Variants in KCNMA1 observed in about 807,000 individuals in gnomAD.
KCNMA1 encodes Calcium-activated potassium channel subunit alpha-1.
In KCNMA1, 29 loss-of-function variants were observed where a neutral mutation model predicts 140.0. The ratio of observed to expected loss-of-function variants is 0.21; its 90% CI spans 0.15 to 0.28. The LOEUF (loss-of-function observed/expected upper bound fraction) is 0.28. Ranked by LOEUF, KCNMA1 falls within the 10% of genes least tolerant of loss-of-function variation. The pLI, the probability that KCNMA1 is intolerant of heterozygous loss-of-function variation, is 1.00. For synonymous variants in KCNMA1, 612 were observed against 611.9 expected, an observed-to-expected ratio of 1.00 and a Z score of 0.00; for missense variants, 880 against 1,602.2, an observed-to-expected ratio of 0.55 and a Z score of 7.70.
chr10:77,472,058 A>G (rs2098170986), intron 1 of KCNMA1, among the ~76,000 whole-genome samples: 1 of 150,302 alleles, frequency 6.7e-6, no homozygotes, highest in South Asian at 2.1e-4. Flanking sequence ...CATGTACCAC[A>G]TACACACATG....
At chr10:77,066,721 C>T (rs570805094) in intron 14 of KCNMA1, among the ~76,000 whole-genome samples, 4 of 152,334 alleles carry the variant, frequency 2.6e-5, no homozygotes, top group Non-Finnish European at 4.4e-5. Flanking sequence ...AGTCTGCTGT[C>T]ATAATGCCAT....
At position 77,034,714 on chromosome 10, in the gene KCNMA1, C is replaced by T. The variant is rs148881612; in HGVS notation, c.1859+4814G>A. Among the ~76,000 whole-genome samples the T allele has an allele frequency of 1.9e-3, 296 of 152,290 alleles. 1 individual carries two copies. Among genetic ancestry groups the T allele is most frequent in the Non-Finnish European group, 3.0e-3 (203 of 68,032 alleles). On this transcript the variant is annotated intron_variant, in intron 15 of 27. Transcript: ENST00000286628. ...AGCTGAGGAAGATCTGATTGGAGTT[C>T]CCCAAGTTCCCCAGGCATTAAATAC...
At chr10:77,003,314 A>G (rs2153419890) in intron 18 of KCNMA1, among the ~76,000 whole-genome samples, 1 of 152,320 alleles carries the variant, frequency 6.6e-6, no homozygotes, top group African/African-American at 2.4e-5. Flanking sequence ...TTACCAAAAA[A>G]AAATAAAAAA....
chr10:77,423,820 G>A (rs1022182895), intron 1 of KCNMA1, among the ~76,000 whole-genome samples: 1 of 152,050 alleles, frequency 6.6e-6, no homozygotes, highest in Non-Finnish European at 1.5e-5. Flanking sequence ...ATGAGAGAGG[G>A]GTCTGATTCT....
At chr10:77,003,574 C>T (rs547958321) in intron 18 of KCNMA1, among the ~76,000 whole-genome samples, 2 of 152,248 alleles carry the variant, frequency 1.3e-5, no homozygotes, top group Non-Finnish European at 2.9e-5. Context: ...AAGAGGGAAA[C>T]AAGGATGATT....
intron 1 of KCNMA1, among the ~76,000 whole-genome samples, chr10:77,410,397 C>T (rs535572631): frequency 2.0e-4 from 30 of 152,144 alleles, no homozygotes; most frequent in Non-Finnish European, 4.1e-4. Flanking sequence ...TGGCTGGGCC[C>T]GCCTTGAGGG....
chr10:77,403,733 G>A, intron 2 of KCNMA1, 129 bp downstream of exon 2: 1 of 859,092 alleles, frequency 1.2e-6, no homozygotes, highest in Non-Finnish European at 1.8e-6. Context: ...GGGAGCACTT[G>A]CTGCTCACCC....
chr10:77,404,336 T>C (rs928654054), intron 1 of KCNMA1, among the ~76,000 whole-genome samples: 9 of 152,146 alleles, frequency 5.9e-5, no homozygotes, highest in African/African-American at 2.2e-4. Context: ...TGGAGTGCAG[T>C]GGCGCAATCT....
intron 14 of KCNMA1, among the ~76,000 whole-genome samples, chr10:77,056,035 T>C (rs952710847): frequency 6.6e-6 from 1 of 152,110 alleles, no homozygotes; most frequent in South Asian, 2.1e-4. Context: ...AAAACTCAAC[T>C]AACATTGAAG....
At chr10:77,042,153 G>T (rs757896722) in intron 14 of KCNMA1, among the ~76,000 whole-genome samples, 2 of 151,956 alleles carry the variant, frequency 1.3e-5, no homozygotes, top group Admixed American at 6.6e-5. Flanking sequence ...CTACAAATTG[G>T]CCTTCCCCAG....
At chr10:77,052,917 C>T (rs972525406) in intron 14 of KCNMA1, among the ~76,000 whole-genome samples, 3 of 152,184 alleles carry the variant, frequency 2.0e-5, no homozygotes, top group African/African-American at 7.2e-5. Context: ...AGCCGAAAAA[C>T]CGTATCAAAG....
chr10:77,426,207 AAAG>A (rs1366475789), intron 1 of KCNMA1, among the ~76,000 whole-genome samples: 3 of 152,184 alleles, frequency 2.0e-5, no homozygotes, highest in African/African-American at 4.8e-5. Flanking sequence ...ACAGAGATGA[AAAG>A]AAGAAGATCC....
At chr10:77,533,306 C>A (rs1193093374) in intron 1 of KCNMA1, among the ~76,000 whole-genome samples, 1 of 152,186 alleles carries the variant, frequency 6.6e-6, no homozygotes, top group African/African-American at 2.4e-5. Flanking sequence ...GACTAGCCAA[C>A]ACACAGAAGC....
chr10:77,337,739 A>G (rs1367667919), intron 2 of KCNMA1, among the ~76,000 whole-genome samples: 1 of 152,238 alleles, frequency 6.6e-6, no homozygotes, highest in African/African-American at 2.4e-5. Context: ...CATCCTAGGC[A>G]TGCAGCAGGA....
At chr10:76,981,064 C>G (rs2079273281) in intron 19 of KCNMA1, among the ~76,000 whole-genome samples, 1 of 152,156 alleles carries the variant, frequency 6.6e-6, no homozygotes, top group South Asian at 2.1e-4. Flanking sequence ...TGATTATTGC[C>G]TTGGCTTTGA....
chr10:76,970,329 G>GAAA (rs10563488), intron 19 of KCNMA1: 6 of 185,760 alleles, frequency 3.2e-5, no homozygotes, highest in Non-Finnish European at 4.4e-5. Context: ...CCTGCCATAA[G>GAAA]AAAAAAAAAA....
At chr10:77,158,091 T>C (rs2098508732) in intron 5 of KCNMA1, among the ~76,000 whole-genome samples, 2 of 151,978 alleles carry the variant, frequency 1.3e-5, no homozygotes, top group South Asian at 2.1e-4. Context: ...TCAGGGAAAA[T>C]AATCAGGAAT....
chr10:77,431,398 C>T (rs1467533262), intron 1 of KCNMA1, among the ~76,000 whole-genome samples: 2 of 152,174 alleles, frequency 1.3e-5, no homozygotes, highest in Non-Finnish European at 2.9e-5. Flanking sequence ...TCCAGGAATC[C>T]TCTTTCAGCC....
intron 1 of KCNMA1, among the ~76,000 whole-genome samples, chr10:77,588,793 A>T (rs1233579519): frequency 6.6e-6 from 1 of 152,250 alleles, no homozygotes; most frequent in Non-Finnish European, 1.5e-5. Context: ...GCTGGCGCTC[A>T]TCTTTGACAA....
Sources: allele counts gnomAD v4.1 joint callset (sites outside exome capture counted in the v4.1 genomes callset), GRCh38; gene constraint gnomAD v4.1.1; transcripts MANE v1.5; gene names NCBI Gene and HGNC (gene_info 2026-07-23, HGNC 2026-07-21).